Variants in PPP1R7 observed in about 807,000 individuals in gnomAD.
PPP1R7 encodes the protein protein phosphatase 1 regulatory subunit 22.
A neutral mutation model predicts 45.2 loss-of-function variants in PPP1R7; 18 were observed. The observed-to-expected ratio is 0.40, with a 90% CI of 0.28 to 0.59. PPP1R7 has a LOEUF of 0.59. PPP1R7 is among the 20% of genes least tolerant of loss of function. PPP1R7 has a pLI of 0.46. For synonymous variants in PPP1R7, 181 were observed against 183.4 expected, an observed-to-expected ratio of 0.99 and a Z score of 0.11; for missense variants, 314 against 455.8, an observed-to-expected ratio of 0.69 and a Z score of 2.83.
chr2:241,166,213 T>C lies in PPP1R7; in HGVS notation c.715-124T>C, dbSNP rs1575397462. On this transcript the variant is annotated intron_variant, in intron 7 of 9. Coordinates refer to ENST00000234038, the MANE Select transcript of PPP1R7 (RefSeq NM_002712.3). ...CACCGCGCCCGGCCCCATTCTAGCATGTTTTAAGTGAAATTCTCTGTTCTT... is the reference window on the plus strand; with the variant it reads ...CACCGCGCCCGGCCCCATTCTAGCACGTTTTAAGTGAAATTCTCTGTTCTT... The C allele has an allele frequency of 4.9e-6, 4 of 813,334 alleles. No homozygotes were observed. In the African/African-American group the frequency reaches 6.9e-5, roughly 14 times the overall value. The allele number at this position is 813,334 out of a possible 1,614,324, so 50.4% of individuals were successfully genotyped here. A position where few individuals can be genotyped will look rare whatever the true frequency, so the allele number is the denominator to read the frequency against.
intron 7 of PPP1R7, among the ~76,000 whole-genome samples, chr2:241,165,504 C>G (rs111460106): frequency 1.9e-4 from 29 of 152,292 alleles, no homozygotes; most frequent in African/African-American, 6.0e-4. Context: ...ATGTAATTCC[C>G]ATGCATGAAT....
At chr2:241,157,196 TG>T (rs1396524593) in intron 2 of PPP1R7, among the ~76,000 whole-genome samples, 2 of 151,968 alleles carry the variant, frequency 1.3e-5, no homozygotes, top group African/African-American at 4.8e-5. Flanking sequence ...CACTGAGAAG[TG>T]TGTTTAAATT....
chr2:241,153,548 A>T lies in PPP1R7; in HGVS notation c.125A>T (p.Asp42Val). The change falls in exon 2 of 10, where the codon GAC becomes GTC. Residue 42 changes from aspartate to valine, a missense_variant. Physicochemically the swap from Asp to Val is radical, Grantham distance 152. Coordinates refer to ENST00000234038, the MANE Select transcript of PPP1R7 (RefSeq NM_002712.3). ...GKKHSSGIVA[D>V]LSEQSLKDGE... ...AAACACAGCAGTGGCATCGTGGCCGACCTCAGTGAACAGAGCCTGAAGGAT... is the reference window on the plus strand; with the variant it reads ...AAACACAGCAGTGGCATCGTGGCCGTCCTCAGTGAACAGAGCCTGAAGGAT... 1 of 1,614,170 alleles carries T rather than the reference A, an allele frequency of 6.2e-7. No homozygotes were observed.
At position 241,150,483 on chromosome 2, in the gene PPP1R7, A is replaced by T; in HGVS notation, c.-13A>T. 1.3e-6 allele frequency: 2 copies of T among 1,584,622 alleles called. No homozygotes were observed. Among genetic ancestry groups the T allele is most frequent in the South Asian group, 1.1e-5 (1 of 88,608 alleles). The stretch of plus-strand genomic sequence containing the variant: ...TGAGGCGACAGATTCCGGAAAGGGG[A>T]AGAGCAGCCAACATGGCGGCGGAAC... On this transcript the variant is annotated 5_prime_UTR_variant, in exon 1 of 10. Transcript: ENST00000234038.
chr2:241,154,199 AAAAAAGG>A (rs1166125104), intron 2 of PPP1R7, among the ~76,000 whole-genome samples: 3 of 151,494 alleles, frequency 2.0e-5, no homozygotes, highest in Non-Finnish European at 2.9e-5. Flanking sequence ...AAAAAAAAAA[AAAAAAGG>A]AAAAAGAAAA....
chr2:241,173,329 G>A (rs1297995104), intron 9 of PPP1R7, among the ~76,000 whole-genome samples: 4 of 147,550 alleles, frequency 2.7e-5, no homozygotes, highest in African/African-American at 7.6e-5. Flanking sequence ...GACTGGTCTC[G>A]AACTCCTGAG....
chr2:241,150,230 G>C (rs2067221408), upstream of PPP1R7: 2 of 1,279,652 alleles, frequency 1.6e-6, no homozygotes, highest in African/African-American at 3.1e-5. Context: ...TGTGCGTCCC[G>C]CTTCGACTCC....
intron 1 of PPP1R7, chr2:241,151,561 G>A (rs1173200047): frequency 6.4e-6 from 3 of 471,226 alleles, no homozygotes; most frequent in Non-Finnish European, 1.3e-5. Context: ...AGGTGTGGAG[G>A]AGAGTTTGAC....
chr2:241,167,278 C>T, intron 8 of PPP1R7: 2 of 419,684 alleles, frequency 4.8e-6, no homozygotes, highest in East Asian at 3.6e-5. Flanking sequence ...TGCCTCAACC[C>T]CAGGGCCTAG....
intron 7 of PPP1R7, 79 bp from the exon 8 acceptor site, chr2:241,166,258 C>T: frequency 8.2e-7 from 1 of 1,216,142 alleles, no homozygotes. Flanking sequence ...CAAGATAACA[C>T]AAAACCTCGT....
intron 8 of PPP1R7, among the ~76,000 whole-genome samples, chr2:241,168,438 G>A (rs6721380): frequency 6.6e-6 from 1 of 152,020 alleles, no homozygotes; most frequent in Non-Finnish European, 1.5e-5. Flanking sequence ...GAGTGCGGGG[G>A]AGAGCTGCCG....
At chr2:241,150,045 G>A (rs2067211836), upstream of PPP1R7, 10 of 1,368,556 alleles carry the variant, frequency 7.3e-6, no homozygotes, top group Non-Finnish European at 9.4e-6. Flanking sequence ...GAGGCTCGCA[G>A]AGGTCAGGGA....
At chr2:241,172,227 G>A (rs2067829810) in intron 9 of PPP1R7, among the ~76,000 whole-genome samples, 1 of 149,320 alleles carries the variant, frequency 6.7e-6, no homozygotes, top group Non-Finnish European at 1.5e-5. Flanking sequence ...GTGTTTTCTT[G>A]TTGATTGTTT....
rs575386278 is a variant in PPP1R7 at position 241,182,563 on chromosome 2, G to T, written c.907-84G>T. The T allele has an allele frequency of 7.9e-6, 12 of 1,522,840 alleles. No homozygotes were observed. The African/African-American group carries it at 1.6e-4, about 21-fold the overall frequency. 94.3% of individuals were successfully genotyped at this position (1,522,840 alleles called of 1,614,324 possible). The stretch of plus-strand genomic sequence containing the variant: ...CTGCTCGCCATCTTCTGAGTGGGAA[G>T]GAGGAGGGTGGCTAGTGGACCCCAC... On this transcript the variant is annotated intron_variant, in intron 9 of 9. Coordinates refer to ENST00000234038, the MANE Select transcript of PPP1R7 (RefSeq NM_002712.3).
At chr2:241,176,639 T>G (rs1382211789) in intron 9 of PPP1R7, among the ~76,000 whole-genome samples, 1 of 152,154 alleles carries the variant, frequency 6.6e-6, no homozygotes, top group Non-Finnish European at 1.5e-5. Flanking sequence ...TTTTGTATTT[T>G]TAGTAGAGAC....
At chr2:241,168,513 C>T (rs1317858275) in intron 8 of PPP1R7, among the ~76,000 whole-genome samples, 5 of 152,236 alleles carry the variant, frequency 3.3e-5, no homozygotes, top group East Asian at 1.9e-4. Context: ...TACCCACAGT[C>T]GCGTCTTCTG....
At chr2:241,150,048 G>A (rs2067212073), upstream of PPP1R7, 11 of 1,368,844 alleles carry the variant, frequency 8.0e-6, no homozygotes, top group Admixed American at 3.2e-5. Flanking sequence ...GCTCGCAGAG[G>A]TCAGGGATGC....
chr2:241,169,963 C>T, intron 9 of PPP1R7, 96 bp downstream of exon 9: 1 of 1,049,366 alleles, frequency 9.5e-7, no homozygotes, highest in Non-Finnish European at 1.4e-6. Context: ...CTCCTGTAAG[C>T]CTTCATGCTG....
chr2:241,160,538 C>A (rs777112947), intron 6 of PPP1R7, 44 bp downstream of exon 6: 15 of 1,511,178 alleles, frequency 9.9e-6, no homozygotes, highest in Middle Eastern at 1.8e-4. Context: ...GGAGAGGCAG[C>A]TAGCGGGCTG....
Sources: gnomAD v4.1 joint callset for allele counts (sites outside exome capture counted in the v4.1 genomes callset) on GRCh38, gnomAD v4.1.1 for gene constraint, MANE v1.5 for transcripts, NCBI Gene and HGNC (gene_info 2026-07-23, HGNC 2026-07-21) for gene names.